Variants in SHANK2 observed in about 807,000 individuals in gnomAD.
SHANK2 encodes the protein SH3 and multiple ankyrin repeat domains protein 2.
A neutral mutation model predicts 133.7 loss-of-function variants in SHANK2; 43 were observed. The ratio of observed to expected loss-of-function variants is 0.32; its 90% CI spans 0.25 to 0.41. The LOEUF is 0.41. SHANK2 is among the 10% of genes least tolerant of loss of function. The pLI is 1.00. For missense variants in SHANK2, 1,994 were observed against 2,235.8 expected, an observed-to-expected ratio of 0.89 and a Z score of 2.18; for synonymous variants, 1,017 against 952.8, an observed-to-expected ratio of 1.07 and a Z score of -1.24.
At chr11:71,167,733 G>A (rs1555111311) in intron 2 of SHANK2, among the ~76,000 whole-genome samples, 1 of 140,266 alleles carries the variant, frequency 7.1e-6, no homozygotes, top group African/African-American at 2.7e-5. Flanking sequence ...TCACTTCCCA[G>A]TAGGGGCGGC....
chr11:71,098,945 A>C (rs1951673051), intron 6 of SHANK2, among the ~76,000 whole-genome samples: 1 of 152,124 alleles, frequency 6.6e-6, no homozygotes, highest in Non-Finnish European at 1.5e-5. Context: ...GATGGACACG[A>C]GCTCAGCCAG....
intron 14 of SHANK2, among the ~76,000 whole-genome samples, chr11:70,759,695 G>C (rs1591820233): frequency 1.3e-5 from 2 of 152,288 alleles, no homozygotes; most frequent in South Asian, 4.2e-4. Context: ...CAAGGGTGAA[G>C]TCATGCACCC....
rs781840660 is a variant in SHANK2, at chr11:70,485,656, A to C, written c.4637T>G (p.Val1546Gly). ...GQAFMVDKPP[V>G]PPKPKMKPII... ...GGGCTTCATTTTTGGCTTAGGAGGT[A>C]CTGGGGGTTTGTCAACCATAAATGC... Residue 1546 changes from valine to glycine, a missense_variant, in exon 25 of 26, where the codon GTA (valine) becomes GGA (glycine). Around this residue, in one of 5 missense-constraint regions of SHANK2, gnomAD observed 797 missense variants for 907.4 expected, o/e 0.88. Coordinates refer to ENST00000601538, the MANE Select transcript of SHANK2 (RefSeq NM_012309.5). This position sits in a 1 kb window ranked among gnomAD's most constrained non-coding sequence, Gnocchi z 5.8. The C allele has an allele frequency of 6.2e-7, 1 of 1,614,110 alleles. No homozygotes were observed. The highest frequency in any genetic ancestry group is 1.7e-5 in the Admixed American group (1 of 60,028).
chr11:71,077,601 AT>A (rs1388805391), intron 8 of SHANK2, among the ~76,000 whole-genome samples: 4,549 of 148,214 alleles, frequency 0.031, 226 homozygotes, highest in African/African-American at 0.1. Flanking sequence ...ACTAGCAGTA[AT>A]TTTTTTTTTT....
intron 14 of SHANK2, among the ~76,000 whole-genome samples, chr11:70,771,821 C>T (rs1555042849): frequency 6.6e-6 from 1 of 152,166 alleles, no homozygotes. Context: ...GAGCCAAATC[C>T]CCGTTCCCAG....
rs148650132 is a variant in SHANK2 at position 70,618,681 on chromosome 11, C to T, written c.2061+41147G>A. Among the ~76,000 whole-genome samples the T allele has an allele frequency of 5.4e-4, 82 of 152,302 alleles. No homozygotes were observed. In the East Asian group the frequency reaches 0.015, roughly 28 times the overall value. Reference sequence around the variant, plus strand: ...ATTAACACCGACTGGGAGAGCAAGGCGCAGGCTTCTGGGTTAAATCAGCCC... The same window carrying T: ...ATTAACACCGACTGGGAGAGCAAGGTGCAGGCTTCTGGGTTAAATCAGCCC... On this transcript the variant is annotated intron_variant, in intron 17 of 25. Coordinates refer to ENST00000601538, the MANE Select transcript of SHANK2 (RefSeq NM_012309.5).
intron 17 of SHANK2, among the ~76,000 whole-genome samples, chr11:70,641,354 A>G (rs1268806946): frequency 6.6e-6 from 1 of 152,130 alleles, no homozygotes; most frequent in Non-Finnish European, 1.5e-5. Context: ...TGGCCTCCCA[A>G]AGTGCTGGGA....
intron 1 of SHANK2, among the ~76,000 whole-genome samples, chr11:71,246,435 T>C (rs1329017407): frequency 6.6e-6 from 1 of 152,134 alleles, no homozygotes; most frequent in African/African-American, 2.4e-5. Context: ...CCTGGCAGTA[T>C]GCAGAGCACA....
chr11:70,776,168 C>G (rs1350057570), intron 14 of SHANK2, among the ~76,000 whole-genome samples: 1 of 152,198 alleles, frequency 6.6e-6, no homozygotes, highest in Non-Finnish European at 1.5e-5. Flanking sequence ...CTGGGAGCAG[C>G]CCATTCCTTC....
intron 2 of SHANK2, among the ~76,000 whole-genome samples, chr11:71,212,889 G>T (rs1027235028): frequency 1.3e-5 from 2 of 150,940 alleles, no homozygotes; most frequent in African/African-American, 4.9e-5. Context: ...AGGGACCCCA[G>T]GCGGAGGCAC....
chr11:71,219,691 T>A (rs574153406), intron 2 of SHANK2, among the ~76,000 whole-genome samples: 1 of 150,032 alleles, frequency 6.7e-6, no homozygotes, highest in African/African-American at 2.5e-5. Flanking sequence ...ACCAGTTCAA[T>A]ATTAGCCTGG....
At chr11:70,520,833 T>C (rs868988352) in intron 17 of SHANK2, among the ~76,000 whole-genome samples, 3 of 152,254 alleles carry the variant, frequency 2.0e-5, no homozygotes, top group Non-Finnish European at 1.5e-5. Flanking sequence ...ATTTTCTAGC[T>C]CAAATTGTCC....
rs77634379 is a variant in SHANK2, at chr11:71,172,240, C to A, written c.-12-24902G>T. On this transcript the variant is annotated intron_variant, in intron 2 of 25. Transcript: ENST00000601538. ...CCTGACCTCACACAAGGAGAAGGAGCGTCCAAGAAAGGCGTCAACCTCAAG... is the reference window on the plus strand; with the variant it reads ...CCTGACCTCACACAAGGAGAAGGAGAGTCCAAGAAAGGCGTCAACCTCAAG... Among the ~76,000 whole-genome samples, 155 of 152,254 alleles carry A rather than the reference C, an allele frequency of 1.0e-3. 1 individual carries two copies. The East Asian group carries it at 0.026, about 26-fold the overall frequency.
intron 14 of SHANK2, among the ~76,000 whole-genome samples, chr11:70,737,464 C>T (rs1555033797): frequency 2.0e-5 from 3 of 152,152 alleles, no homozygotes; most frequent in South Asian, 2.1e-4. Flanking sequence ...TCCAGAAACA[C>T]GTGCCAGGCA....
chr11:71,173,523 C>T (rs190249036), intron 2 of SHANK2, among the ~76,000 whole-genome samples: 23 of 152,348 alleles, frequency 1.5e-4, no homozygotes, highest in Non-Finnish European at 2.9e-4. Flanking sequence ...AGGCGAATGT[C>T]CCCTTCGGAA....
At chr11:70,512,366 C>G (rs981042690) in intron 17 of SHANK2, among the ~76,000 whole-genome samples, 4 of 152,208 alleles carry the variant, frequency 2.6e-5, no homozygotes, top group Non-Finnish European at 4.4e-5. Flanking sequence ...CCCAGTACCA[C>G]CATCCTCTAG....
chr11:70,900,081 C>A (rs782226286), intron 10 of SHANK2, among the ~76,000 whole-genome samples: 1 of 152,180 alleles, frequency 6.6e-6, no homozygotes, highest in Non-Finnish European at 1.5e-5. Flanking sequence ...ATGGGCCAGG[C>A]GCTGCGGCTC....
At chr11:70,738,968 G>A (rs1480015546) in intron 14 of SHANK2, among the ~76,000 whole-genome samples, 2 of 152,174 alleles carry the variant, frequency 1.3e-5, no homozygotes, top group Admixed American at 6.5e-5. Context: ...ATGTAGGGAG[G>A]GGGTCTGTGG....
At chr11:70,595,696 A>C (rs1461094420) in intron 17 of SHANK2, among the ~76,000 whole-genome samples, 1 of 152,182 alleles carries the variant, frequency 6.6e-6, no homozygotes, top group African/African-American at 2.4e-5. Context: ...GCCCTTCCCC[A>C]GCTGCTGGGA....
Sources: gnomAD v4.1 joint callset for allele counts (sites outside exome capture counted in the v4.1 genomes callset) on GRCh38, gnomAD v4.1.1 for gene constraint, gnomAD v4.1.1 regional missense constraint, Gnocchi (gnomAD v3.1) non-coding constraint, MANE v1.5 for transcripts, NCBI Gene and HGNC (gene_info 2026-07-23, HGNC 2026-07-21) for gene names.